The following HSP90AA1 variants were observed in gnomAD, a reference collection of about 807,000 sequenced individuals.
The protein encoded by HSP90AA1 is heat shock protein HSP 90-alpha.
A neutral mutation model predicts 73.3 loss-of-function variants in HSP90AA1; 18 were observed. That is an observed-to-expected ratio of 0.25 (90% CI 0.17 to 0.36). The LOEUF is 0.36. Among genes scored for constraint, HSP90AA1 ranks in the 10% least tolerant of loss-of-function variants. HSP90AA1 has a pLI of 1.00. For missense variants in HSP90AA1, 704 were observed against 874.2 expected (o/e 0.81, Z 2.45); for synonymous variants, 477 against 296.9 (o/e 1.61, Z -6.24).
upstream of HSP90AA1, among the ~76,000 whole-genome samples, chr14:102,087,721 G>T (rs1264567236): frequency 6.6e-6 from 1 of 152,154 alleles, no homozygotes; most frequent in Non-Finnish European, 1.5e-5. Context: ...CCCACCGCTG[G>T]CTCGGGAGCG....
At chr14:102,111,544 G>T (rs896489314) in intron 1 of HSP90AA1, among the ~76,000 whole-genome samples, 5 of 152,186 alleles carry the variant, frequency 3.3e-5, no homozygotes, top group Admixed American at 3.3e-4. Context: ...CTTCCAAATG[G>T]GAGAAACTGG....
In HSP90AA1 at chr14:102,104,729, C is replaced by T. The variant is rs184528034; in HGVS notation, c.156-2644G>A. On this transcript the variant is annotated intron_variant, in intron 1 of 11. Transcript: ENST00000334701. The stretch of plus-strand genomic sequence containing the variant: ...TATTTTTATACCCATTAACCAACTT[C>T]GACTCATCTTTCCCTCTCCTTTCCC... 6.8e-4 allele frequency among the ~76,000 whole-genome samples: 103 copies of T among 152,144 alleles called. No homozygotes were observed. The East Asian group carries it at 0.012, about 18-fold the overall frequency.
intron 1 of HSP90AA1, among the ~76,000 whole-genome samples, chr14:102,086,737 G>A (rs1464164692): frequency 6.6e-6 from 1 of 151,190 alleles, no homozygotes; most frequent in African/African-American, 2.4e-5. Context: ...CGCTCTGTTC[G>A]CGTGCGGCGC....
chr14:102,132,915 G>A (rs1276394647), intron 1 of HSP90AA1, among the ~76,000 whole-genome samples: 64 of 139,500 alleles, frequency 4.6e-4, no homozygotes, highest in Middle Eastern at 5.4e-3. Flanking sequence ...AGCTGAGATT[G>A]TGCCACTGCA....
chr14:102,081,955 G>GC, intron 10 of HSP90AA1, 134 bp from the exon 11 acceptor site: 1 of 771,656 alleles, frequency 1.3e-6, no homozygotes, highest in Non-Finnish European at 2.3e-6. Context: ...CTTTGCTCTT[G>GC]TAAGACCTTA....
rs2049147983 is a variant in HSP90AA1, at chr14:102,083,610, C to A, written c.1422G>T (p.Met474Ile). ...RYYTSASGDE[M>I]VSLKDYCTRM... ...TGGTGCAGTAGTCCTTGAGAGAAAC[C>A]ATCTCATCACCAGAGGCAGATGTGT... Residue 474 changes from methionine to isoleucine, a missense_variant, in exon 8 of 11, where the codon ATG (methionine) becomes ATT (isoleucine). Coordinates refer to ENST00000216281, the MANE Select transcript of HSP90AA1 (RefSeq NM_005348.4). 3 of 1,612,950 alleles carry A rather than the reference C, an allele frequency of 1.9e-6. No homozygotes were observed. The highest frequency in any genetic ancestry group is 2.5e-6 in the Non-Finnish European group (3 of 1,179,112).
chr14:102,095,962 A>G (rs1246396506), intron 2 of HSP90AA1, among the ~76,000 whole-genome samples: 2 of 152,076 alleles, frequency 1.3e-5, no homozygotes, highest in East Asian at 1.9e-4. Context: ...TTGGTATTCA[A>G]ATCCCAGGGC....
At chr14:102,133,743 A>T (rs562355636) in intron 1 of HSP90AA1, among the ~76,000 whole-genome samples, 39 of 152,190 alleles carry the variant, frequency 2.6e-4, no homozygotes, top group Middle Eastern at 3.4e-3. Context: ...TCAGCCTCCC[A>T]AAGTGCTGGG....
upstream of HSP90AA1, among the ~76,000 whole-genome samples, chr14:102,091,128 C>T (rs761017377): frequency 7.9e-5 from 12 of 152,140 alleles, no homozygotes; most frequent in Non-Finnish European, 8.8e-5. Context: ...TGCCCCCTCA[C>T]TTGCTTGCCA....
At chr14:102,089,104 A>G (rs1242345309), upstream of HSP90AA1, among the ~76,000 whole-genome samples, 2 of 151,972 alleles carry the variant, frequency 1.3e-5, no homozygotes, top group African/African-American at 2.4e-5. Context: ...TATTTTTAGT[A>G]GAGACGGGGT....
chr14:102,123,464 A>C (rs1254431997), intron 1 of HSP90AA1, among the ~76,000 whole-genome samples: 3 of 152,058 alleles, frequency 2.0e-5, no homozygotes, highest in Non-Finnish European at 1.5e-5. Flanking sequence ...GTTACCTAAG[A>C]ATGAGGTGTT....
At chr14:102,139,235 T>C in intron 1 of HSP90AA1, 1 of 1,614,012 alleles carries the variant, frequency 6.2e-7, no homozygotes. Context: ...GCGTAAATCT[T>C]GAGTCCCTTG....
At chr14:102,135,181 G>T (rs530056891) in intron 1 of HSP90AA1, among the ~76,000 whole-genome samples, 1 of 152,094 alleles carries the variant, frequency 6.6e-6, no homozygotes, top group East Asian at 1.9e-4. Context: ...AGACATAAAA[G>T]TTCTCCAAGG....
Position 102,139,185 on chromosome 14 carries a change from C to T in HSP90AA1, c.155+65G>A. The T allele has an allele frequency of 2.5e-6, 4 of 1,584,496 alleles. No homozygotes were observed. In the South Asian group the frequency reaches 3.3e-5, roughly 13 times the overall value. ...GAGAACACCTATGCTGTACCACATTCTTCTCTCCCCCTACCCCGCCTGAAA... is the reference window on the plus strand; with the variant it reads ...GAGAACACCTATGCTGTACCACATTTTTCTCTCCCCCTACCCCGCCTGAAA... On this transcript the variant is annotated intron_variant, in intron 1 of 11. Coordinates refer to the HSP90AA1 transcript ENST00000334701.
upstream of HSP90AA1, among the ~76,000 whole-genome samples, chr14:102,089,101 A>G (rs573580951): frequency 6.6e-6 from 1 of 151,936 alleles, no homozygotes; most frequent in South Asian, 2.1e-4. Context: ...TTGTATTTTT[A>G]GTAGAGACGG....
upstream of HSP90AA1, among the ~76,000 whole-genome samples, chr14:102,089,651 G>A (rs963977000): frequency 2.0e-5 from 3 of 151,978 alleles, no homozygotes; most frequent in Non-Finnish European, 4.4e-5. Flanking sequence ...GGAAGAGCCC[G>A]GCCAGGACTC....
chr14:102,130,350 C>T (rs866545904), intron 1 of HSP90AA1, among the ~76,000 whole-genome samples: 51 of 152,126 alleles, frequency 3.4e-4, no homozygotes, highest in Admixed American at 1.3e-3. Flanking sequence ...GAAACTTTTA[C>T]GGAACTGCCA....
chr14:102,134,647 G>A (rs1171870991), intron 1 of HSP90AA1, among the ~76,000 whole-genome samples: 2 of 152,094 alleles, frequency 1.3e-5, no homozygotes, highest in Non-Finnish European at 1.5e-5. Flanking sequence ...AAGGCAGCAC[G>A]TCTGGAGTTG....
chr14:102,139,399 G>A, exon 1 of HSP90AA1: 1 of 1,564,396 alleles, frequency 6.4e-7, no homozygotes, highest in South Asian at 1.2e-5. Flanking sequence ...CCGAACACGG[G>A]GGCATCCGCG....
Sources: gnomAD v4.1 joint callset for allele counts (sites outside exome capture counted in the v4.1 genomes callset) on GRCh38, gnomAD v4.1.1 for gene constraint, MANE v1.5 for transcripts, NCBI Gene and HGNC (gene_info 2026-07-23, HGNC 2026-07-21) for gene names.